Variants in ADGRV1 observed in about 807,000 individuals in gnomAD.
ADGRV1 encodes adhesion G protein-coupled receptor V1.
Under a neutral mutation model 596.2 loss-of-function variants are expected in ADGRV1, and 359 were observed. The ratio of observed to expected loss-of-function variants is 0.60; its 90% confidence interval spans 0.55 to 0.66. The LOEUF (loss-of-function observed/expected upper bound fraction) is 0.66. Ranked by LOEUF, ADGRV1 falls within the 30% of genes least tolerant of loss-of-function variation. The pLI is 0.00. For missense variants in ADGRV1, 7,274 were observed against 7,575.6 expected, an observed-to-expected ratio of 0.96 and a Z score of 1.48; for synonymous variants, 2,681 against 2,679.2, an observed-to-expected ratio of 1.00 and a Z score of -0.02.
At chr5:91,133,931 T>A (rs7714672) in intron 87 of ADGRV1, among the ~76,000 whole-genome samples, 1,598 of 151,364 alleles carry the variant, frequency 0.011, 35 homozygotes, top group African/African-American at 0.037. Context: ...GCTATGCTTT[T>A]AAAAAAAAAG....
chr5:90,675,614 G>A lies in ADGRV1; in HGVS notation c.5313+169G>A, dbSNP rs556551765. Reference sequence around the variant, plus strand: ...GCTTGAGGCCACCAGCATGGGCAACGTCGCAAGTCACTTTCTCTACAAAAA... The same window carrying A: ...GCTTGAGGCCACCAGCATGGGCAACATCGCAAGTCACTTTCTCTACAAAAA... On this transcript the variant is annotated intron_variant, in intron 24 of 89. Transcript: ENST00000405460. Among the ~76,000 whole-genome samples the A allele has an allele frequency of 1.8e-4, 27 of 152,056 alleles. No homozygotes were observed. In the East Asian group the frequency reaches 3.3e-3, roughly 19 times the overall value.
chr5:90,848,841 T>G lies in ADGRV1; in HGVS notation c.17204+20T>G. ...TGAAAAGTAAGTATCTTTTAATATA[T>G]TAGCAGTACCTTTTATGCATTTTTT... On this transcript the variant is annotated intron_variant, in intron 79 of 89. Coordinates refer to ENST00000405460, the MANE Select transcript of ADGRV1 (RefSeq NM_032119.4). 1 of 1,535,736 alleles carries G rather than the reference T, an allele frequency of 6.5e-7. No homozygotes were observed. The highest frequency in any genetic ancestry group is 8.8e-7 in the Non-Finnish European group (1 of 1,141,980).
intron 85 of ADGRV1, among the ~76,000 whole-genome samples, chr5:91,022,955 A>T (rs1783761549): frequency 6.6e-6 from 1 of 152,136 alleles, no homozygotes; most frequent in Non-Finnish European, 1.5e-5. Flanking sequence ...TTTAGGTGTG[A>T]AGTCCTAGGG....
intron 7 of ADGRV1, among the ~76,000 whole-genome samples, chr5:90,628,204 A>T (rs1765041864): frequency 6.6e-6 from 1 of 151,686 alleles, no homozygotes; most frequent in East Asian, 1.9e-4. Context: ...TGGGCAACAA[A>T]GTGAGACCCC....
intron 25 of ADGRV1, 32 bp from the exon 26 acceptor site, chr5:90,679,517 T>C: frequency 6.6e-7 from 1 of 1,513,694 alleles, no homozygotes; most frequent in South Asian, 1.1e-5. Flanking sequence ...ATGTGTGTTG[T>C]GTGGGTTGTG....
At chr5:91,007,980 GTTAT>G (rs1373006165) in intron 85 of ADGRV1, among the ~76,000 whole-genome samples, 1 of 151,958 alleles carries the variant, frequency 6.6e-6, no homozygotes, top group Non-Finnish European at 1.5e-5. Context: ...TAGTTCAAAG[GTTAT>G]TATTCTATGT....
At chr5:90,977,388 G>C (rs1779705000) in intron 84 of ADGRV1, among the ~76,000 whole-genome samples, 1 of 152,190 alleles carries the variant, frequency 6.6e-6, no homozygotes, top group Non-Finnish European at 1.5e-5. Flanking sequence ...TGTTGCTATA[G>C]TCAGTTTGAG....
At chr5:90,609,300 G>A (rs1048612636) in intron 1 of ADGRV1, among the ~76,000 whole-genome samples, 1 of 151,660 alleles carries the variant, frequency 6.6e-6, no homozygotes, top group African/African-American at 2.4e-5. Flanking sequence ...GCATATATAA[G>A]TTATTTAAAG....
intron 74 of ADGRV1, 107 bp downstream of exon 74, chr5:90,811,445 A>G (rs1762432919): frequency 4.9e-6 from 5 of 1,018,954 alleles, no homozygotes; most frequent in Non-Finnish European, 7.0e-6. Flanking sequence ...TTCTTAAGTT[A>G]TTCATAGGAA....
chr5:91,116,486 A>G (rs925238352), intron 87 of ADGRV1, among the ~76,000 whole-genome samples: 21 of 152,202 alleles, frequency 1.4e-4, no homozygotes, highest in African/African-American at 5.1e-4. Context: ...GATACCATAC[A>G]TGCATATGTG....
chr5:91,044,954 G>A (rs1312639860), intron 85 of ADGRV1, among the ~76,000 whole-genome samples: 1 of 152,134 alleles, frequency 6.6e-6, no homozygotes, highest in Non-Finnish European at 1.5e-5. Context: ...GAAGATTATT[G>A]TGGGTGGTTG....
At chr5:90,646,443 T>G (rs543155738) in intron 16 of ADGRV1, among the ~76,000 whole-genome samples, 72 of 152,244 alleles carry the variant, frequency 4.7e-4, no homozygotes, top group Non-Finnish European at 8.1e-4. Context: ...TCCATGTGAT[T>G]TCTTCAAATA....
At chr5:90,681,213 TGGAA>T (rs1281467906) in intron 26 of ADGRV1, 98 bp from the exon 27 acceptor site, 1 of 1,255,260 alleles carries the variant, frequency 8.0e-7, no homozygotes, top group African/African-American at 1.5e-5. Flanking sequence ...ACTCAATGAA[TGGAA>T]GGACTCTTTT....
rs1387785267 is a variant in ADGRV1, at chr5:90,652,431, G to A, written c.3502G>A (p.Glu1168Lys). 3 of 1,613,408 alleles carry A rather than the reference G, an allele frequency of 1.9e-6. No homozygotes were observed. The highest frequency in any genetic ancestry group is 2.5e-6 in the Non-Finnish European group (3 of 1,179,534). ...QNDSALQPGQEFYETSGTVNF... is the reference protein window; with the variant it reads ...QNDSALQPGQKFYETSGTVNF... ...TGATTCTGCTTTGCAGCCTGGGCAGGAGTTCTATGAAACTTCAGGAACTGT... is the reference window on the plus strand; with the variant it reads ...TGATTCTGCTTTGCAGCCTGGGCAGAAGTTCTATGAAACTTCAGGAACTGT... Residue 1168 changes from glutamate (E) to lysine (K), a missense_variant, in exon 19 of 90, where the codon GAG (glutamate) becomes AAG (lysine). Coordinates refer to ENST00000405460, the MANE Select transcript of ADGRV1 (RefSeq NM_032119.4).
intron 83 of ADGRV1, among the ~76,000 whole-genome samples, chr5:90,882,600 C>T (rs1769900814): frequency 6.6e-6 from 1 of 152,126 alleles, no homozygotes; most frequent in South Asian, 2.1e-4. Context: ...GGGGAAACTC[C>T]CTTTGTGCCC....
At chr5:90,815,869 C>A (rs1762843567) in intron 75 of ADGRV1, 133 bp downstream of exon 75, 1 of 603,954 alleles carries the variant, frequency 1.7e-6, no homozygotes, top group South Asian at 2.1e-5. Flanking sequence ...TCTTCAGATG[C>A]TCTAGTTCTT....
intron 1 of ADGRV1, among the ~76,000 whole-genome samples, chr5:90,610,933 A>G (rs1177996526): frequency 2.6e-5 from 4 of 152,024 alleles, no homozygotes; most frequent in Non-Finnish European, 5.9e-5. Flanking sequence ...TGCCCCAATT[A>G]TCACAATCCC....
chr5:90,878,622 A>G (rs1446950417), intron 83 of ADGRV1, among the ~76,000 whole-genome samples: 1 of 152,230 alleles, frequency 6.6e-6, no homozygotes, highest in African/African-American at 2.4e-5. Flanking sequence ...ATGTACTTCT[A>G]AAAAATGCCT....
chr5:90,922,639 G>T (rs1773984555), intron 83 of ADGRV1, among the ~76,000 whole-genome samples: 1 of 152,100 alleles, frequency 6.6e-6, no homozygotes, highest in African/African-American at 2.4e-5. Flanking sequence ...GCTCATTGCT[G>T]CTTTCCCGGT....
Sources: gnomAD v4.1 joint callset for allele counts (sites outside exome capture counted in the v4.1 genomes callset) on GRCh38, gnomAD v4.1.1 for gene constraint, MANE v1.5 for transcripts, NCBI Gene and HGNC (gene_info 2026-07-23, HGNC 2026-07-21) for gene names.